The following SCG3 variants were observed in gnomAD, a reference collection of about 807,000 sequenced individuals.
The protein encoded by SCG3 is secretogranin III.
Under a neutral mutation model 56.2 loss-of-function variants are expected in SCG3, and 38 were observed. The observed-to-expected ratio is 0.68, with a 90% CI of 0.52 to 0.89. The LOEUF (loss-of-function observed/expected upper bound fraction) is 0.89. Among genes scored for constraint, SCG3 ranks in the 40% least tolerant of loss-of-function variants. The pLI is 0.00. For missense variants in SCG3, 524 were observed against 540.7 expected (o/e 0.97, Z 0.31); for synonymous variants, 176 against 184.2 (o/e 0.96, Z 0.36).
At chr15:51,697,697 A>C (rs983936887) in intron 8 of SCG3, among the ~76,000 whole-genome samples, 4 of 152,236 alleles carry the variant, frequency 2.6e-5, no homozygotes, top group African/African-American at 9.6e-5. Flanking sequence ...AGACTATTTA[A>C]ATTTTATTCT....
In SCG3 at chr15:51,701,095, A is replaced by G. The variant is rs1216738813; in HGVS notation, c.1070-12A>G. 3.7e-6 allele frequency: 6 copies of G among 1,613,318 alleles called. No homozygotes were observed. The highest frequency in any genetic ancestry group is 1.3e-5 in the African/African-American group (1 of 74,922). On this transcript the variant is annotated splice_polypyrimidine_tract_variant and intron_variant, in intron 9 of 11. Transcript: ENST00000220478. ...AACAGGGCTATGACAACAATGCTCAATCTGATTACAGCACCATCAGAGAAG... is the reference window on the plus strand; with the variant it reads ...AACAGGGCTATGACAACAATGCTCAGTCTGATTACAGCACCATCAGAGAAG...
intron 4 of SCG3, among the ~76,000 whole-genome samples, chr15:51,684,568 C>G (rs1240547736): frequency 6.6e-6 from 1 of 152,190 alleles, no homozygotes; most frequent in Non-Finnish European, 1.5e-5. Flanking sequence ...CAGAGCCAGA[C>G]TCCATCTTAA....
At position 51,703,984 on chromosome 15, in the gene SCG3, C is replaced by T. The variant is rs74401537; in HGVS notation, c.1207+2740C>T. On this transcript the variant is annotated intron_variant, in intron 10 of 11. Coordinates refer to ENST00000220478, the MANE Select transcript of SCG3 (RefSeq NM_013243.4). ...CATTGACATAGCTGATGTGTCAACT[C>T]CAATTGTTTGGTAGTGGCCCATGTT... Among the ~76,000 whole-genome samples the T allele has an allele frequency of 2.6e-3, 399 of 151,812 alleles. 21 individuals carry two copies. In the East Asian group the frequency reaches 0.062, roughly 24 times the overall value.
At chr15:51,691,781 C>A (rs2055268445) in intron 6 of SCG3, among the ~76,000 whole-genome samples, 1 of 152,170 alleles carries the variant, frequency 6.6e-6, no homozygotes, top group Admixed American at 6.5e-5. Context: ...ATCCTGGCAC[C>A]AGCCCTCCTG....
At chr15:51,716,645 TCAACA>T (rs1567224185) in intron 11 of SCG3, among the ~76,000 whole-genome samples, 3 of 152,134 alleles carry the variant, frequency 2.0e-5, no homozygotes. Flanking sequence ...GTTCTCTCAC[TCAACA>T]CAACAATCAA....
At chr15:51,713,826 G>C (rs1351235538) in intron 11 of SCG3, among the ~76,000 whole-genome samples, 1 of 152,070 alleles carries the variant, frequency 6.6e-6, no homozygotes, top group East Asian at 1.9e-4. Flanking sequence ...GCAGTCACTC[G>C]CTTACATAAA....
At chr15:51,715,275 C>T (rs1229074929) in intron 11 of SCG3, 3 of 152,168 alleles carry the variant, frequency 2.0e-5, no homozygotes, top group Non-Finnish European at 4.4e-5. Context: ...GCAGTATGCC[C>T]TCTTGAAGAC....
chr15:51,692,314 G>T lies in SCG3; in HGVS notation c.846G>T (p.Ala282=), dbSNP rs1191564574. The part of the protein sequence containing the change: ...EELQYFPNFY[A]LLKSIDSEKE... ...TCCAATATTTCCCAAATTTCTATGC[G>T]CTACTGAAAAGTATTGATTCAGGTA... The change falls in exon 7 of 12, where the codon GCG becomes GCT. Residue 282 remains alanine (A), a synonymous_variant. Transcript: ENST00000220478. 6.2e-7 allele frequency: 1 copy of T among 1,613,558 alleles called. No homozygotes were observed. The highest frequency in any genetic ancestry group is 8.5e-7 in the Non-Finnish European group (1 of 1,179,786).
At chr15:51,683,056 T>C in intron 2 of SCG3, 23 bp from the exon 3 acceptor site, 1 of 1,598,208 alleles carries the variant, frequency 6.3e-7, no homozygotes, top group Non-Finnish European at 8.5e-7. Flanking sequence ...TTAAACCAAG[T>C]CTATCTCCTG....
In SCG3 at chr15:51,719,760, T is replaced by C. The variant is rs1357634839; in HGVS notation, c.*234T>C. 2.0e-6 allele frequency: 1 copy of C among 492,066 alleles called. No homozygotes were observed. The highest frequency in any genetic ancestry group is 3.7e-5 in the Admixed American group (1 of 27,244). The allele number at this position is 492,066 out of a possible 1,614,324, so 30.5% of individuals were successfully genotyped here. The stretch of plus-strand genomic sequence containing the variant: ...TGTATACAGAATCCTTATTTCCTCA[T>C]AGACTTATATTTTATAATCAGAATA... On this transcript the variant is annotated 3_prime_UTR_variant, in exon 12 of 12. Transcript: ENST00000220478.
chr15:51,709,156 C>T (rs902194010), intron 10 of SCG3, among the ~76,000 whole-genome samples: 2 of 152,196 alleles, frequency 1.3e-5, no homozygotes, highest in African/African-American at 4.8e-5. Flanking sequence ...ACAAGTCCTC[C>T]TTCACATGAT....
intron 7 of SCG3, among the ~76,000 whole-genome samples, chr15:51,692,917 CCT>C (rs1353530636): frequency 1.3e-5 from 2 of 151,236 alleles, no homozygotes; most frequent in African/African-American, 2.4e-5. Context: ...TAAGACCTAC[CCT>C]CTTAGCTAAT....
chr15:51,693,454 T>G (rs1178963455), intron 7 of SCG3: 3 of 152,360 alleles, frequency 2.0e-5, no homozygotes, highest in Non-Finnish European at 4.4e-5. Context: ...TTTTTAAAGC[T>G]AAGTATTTCA....
At chr15:51,697,653 A>G (rs2055312464) in intron 8 of SCG3, among the ~76,000 whole-genome samples, 1 of 152,248 alleles carries the variant, frequency 6.6e-6, no homozygotes, top group Non-Finnish European at 1.5e-5. Flanking sequence ...CCACAAGAGG[A>G]GACTAAAGTA....
At position 51,688,908 on chromosome 15, in the gene SCG3, G is replaced by A. The variant is rs112659885; in HGVS notation, c.541-311G>A. 8.7e-3 allele frequency among the ~76,000 whole-genome samples: 1,323 copies of A among 152,300 alleles called. 5 individuals carry two copies. The highest frequency in any genetic ancestry group is 0.024 in the Middle Eastern group (7 of 294). On this transcript the variant is annotated intron_variant, in intron 5 of 11. Transcript: ENST00000220478. ...GATGCTAATTTTGTAGGATGTCAAA[G>A]GTTATCTGACTATGACCCAAAGCTG...
chr15:51,692,482 A>ATT, intron 7 of SCG3, 146 bp downstream of exon 7: 1 of 654,046 alleles, frequency 1.5e-6, no homozygotes. Context: ...GTTCACATCG[A>ATT]TTTTTTTTTC....
chr15:51,688,971 G>T (rs2055248255), intron 5 of SCG3, among the ~76,000 whole-genome samples: 2 of 152,088 alleles, frequency 1.3e-5, no homozygotes, highest in Non-Finnish European at 2.9e-5. Flanking sequence ...CAAAATATGT[G>T]GTCCATGGGT....
At chr15:51,704,168 A>C (rs1053376736) in intron 10 of SCG3, among the ~76,000 whole-genome samples, 2 of 149,362 alleles carry the variant, frequency 1.3e-5, no homozygotes, top group African/African-American at 4.9e-5. Flanking sequence ...ACTTCCATTC[A>C]ACCCTAGGTC....
chr15:51,716,190 A>C (rs2055454630), intron 11 of SCG3, among the ~76,000 whole-genome samples: 1 of 152,156 alleles, frequency 6.6e-6, no homozygotes, highest in Non-Finnish European at 1.5e-5. Flanking sequence ...TGCACATTAA[A>C]ATCACTTAGC....
Sources: gnomAD v4.1 joint callset for allele counts (sites outside exome capture counted in the v4.1 genomes callset) on GRCh38, gnomAD v4.1.1 for gene constraint, MANE v1.5 for transcripts, NCBI Gene and HGNC (gene_info 2026-07-23, HGNC 2026-07-21) for gene names.